WDR7: variants seen among roughly 807,000 people sequenced by gnomAD.
WDR7 encodes the protein WD repeat-containing protein 7.
In WDR7, 46 loss-of-function variants were observed where a neutral mutation model predicts 169.4. That is an observed-to-expected ratio of 0.27 (90% CI 0.21 to 0.35). WDR7 has a LOEUF of 0.35. Among genes scored for constraint, WDR7 ranks in the 10% least tolerant of loss-of-function variants. WDR7 has a pLI of 1.00. For missense variants in WDR7, 1,534 were observed against 1,859.3 expected, an observed-to-expected ratio of 0.83 and a Z score of 3.22; for synonymous variants, 612 against 666.8, an observed-to-expected ratio of 0.92 and a Z score of 1.27.
chr18:57,002,968 C>G (rs2048004659), intron 26 of WDR7, among the ~76,000 whole-genome samples: 2 of 152,154 alleles, frequency 1.3e-5, no homozygotes, highest in African/African-American at 4.8e-5. Flanking sequence ...CTAAACAGTT[C>G]TAATAATCAG....
chr18:56,719,561 C>CAAAA (rs58285674), intron 13 of WDR7, among the ~76,000 whole-genome samples: 1 of 106,238 alleles, frequency 9.4e-6, no homozygotes, highest in South Asian at 2.9e-4. Context: ...GACTCTGTCT[C>CAAAA]AAAAAAAAAA....
chr18:56,695,049 G>A lies in WDR7; in HGVS notation c.1208G>A (p.Ser403Asn). Residue 403 changes from serine to asparagine, a missense_variant, in exon 11 of 28, where the codon AGT becomes AAT. By Grantham distance (46) the Ser-to-Asn change is conservative. Coordinates refer to ENST00000254442, the MANE Select transcript of WDR7 (RefSeq NM_015285.3). ...IIDQLSVIPN[S>N]NEPLKVTASV... ...GATCAGCTGAGTGTGATTCCCAATA[G>A]TAATGAACCTCTTAAAGTAACTGCA... 1.2e-6 allele frequency: 2 copies of A among 1,614,146 alleles called. No homozygotes were observed. The highest frequency in any genetic ancestry group is 1.7e-6 in the Non-Finnish European group (2 of 1,180,022).
chr18:56,704,516 G>T (rs1290428422), intron 12 of WDR7, among the ~76,000 whole-genome samples: 1 of 152,158 alleles, frequency 6.6e-6, no homozygotes, highest in Non-Finnish European at 1.5e-5. Context: ...TCCAGCCTAG[G>T]TGACAGAGTG....
At chr18:56,784,861 T>C (rs2044372391) in intron 19 of WDR7, among the ~76,000 whole-genome samples, 1 of 152,168 alleles carries the variant, frequency 6.6e-6, no homozygotes, top group Admixed American at 6.5e-5. Context: ...GAGTACTTCA[T>C]ATATTAGCTA....
chr18:56,924,505 C>A (rs1039416772), intron 22 of WDR7, among the ~76,000 whole-genome samples: 1 of 152,150 alleles, frequency 6.6e-6, no homozygotes, highest in Non-Finnish European at 1.5e-5. Context: ...CTCATATTAG[C>A]TTTTAAATCA....
At chr18:56,815,701 A>G (rs1270070022) in intron 19 of WDR7, among the ~76,000 whole-genome samples, 3 of 152,242 alleles carry the variant, frequency 2.0e-5, no homozygotes, top group African/African-American at 7.2e-5. Context: ...CTCTTTGTTG[A>G]ATAATTGTCA....
At chr18:56,733,098 G>A (rs753904962) in intron 14 of WDR7, among the ~76,000 whole-genome samples, 4 of 151,920 alleles carry the variant, frequency 2.6e-5, no homozygotes, top group Admixed American at 1.3e-4. Context: ...ATTTTATAGC[G>A]CAATTAGTGA....
chr18:56,840,124 C>A (rs2045458958), intron 20 of WDR7, among the ~76,000 whole-genome samples: 1 of 151,796 alleles, frequency 6.6e-6, no homozygotes, highest in Non-Finnish European at 1.5e-5. Flanking sequence ...TGAAAGGACT[C>A]ATGATGGGGA....
intron 2 of WDR7, among the ~76,000 whole-genome samples, chr18:56,677,491 A>G (rs2025268054): frequency 6.6e-6 from 1 of 152,160 alleles, no homozygotes. Context: ...CTGGGACTAC[A>G]GATGTGTGCC....
intron 26 of WDR7, among the ~76,000 whole-genome samples, chr18:57,017,005 A>T (rs961487969): frequency 6.6e-6 from 1 of 152,218 alleles, no homozygotes; most frequent in African/African-American, 2.4e-5. Context: ...TTTTTTGGAA[A>T]ATGTTCTTCA....
At chr18:56,728,353 C>T (rs978167448) in intron 13 of WDR7, among the ~76,000 whole-genome samples, 2 of 152,236 alleles carry the variant, frequency 1.3e-5, no homozygotes, top group Non-Finnish European at 2.9e-5. Context: ...TTTTATACAA[C>T]AGATTACATT....
intron 19 of WDR7, among the ~76,000 whole-genome samples, chr18:56,795,671 G>T (rs1444658732): frequency 6.6e-6 from 1 of 152,082 alleles, no homozygotes; most frequent in Non-Finnish European, 1.5e-5. Flanking sequence ...GTTCTTGTTT[G>T]TTTGTATTCA....
intron 20 of WDR7, among the ~76,000 whole-genome samples, chr18:56,832,851 C>A (rs1391462946): frequency 6.6e-6 from 1 of 152,006 alleles, no homozygotes; most frequent in Admixed American, 6.6e-5. Flanking sequence ...CAGAAAACAC[C>A]AAAGTAGATA....
intron 1 of WDR7, among the ~76,000 whole-genome samples, chr18:56,670,923 T>C (rs770324234): frequency 6.6e-5 from 10 of 152,238 alleles, no homozygotes; most frequent in Non-Finnish European, 1.0e-4. Context: ...TGCAGCTTTC[T>C]TTGACTATTC....
rs71171007 is a variant in WDR7 at position 56,938,808 on chromosome 18, AGTGTGT to A, written c.3981+155_3981+160del. ...GATGAAGGGTGAGAGAGAAAGAATG[AGTGTGT>A]GTGTGTGTGTGTGTGTGTGTGTGTG... On this transcript the variant is annotated intron_variant, in intron 24 of 27. Transcript: ENST00000254442. The A allele has an allele frequency of 7.5e-3, 4,946 of 661,730 alleles. 162 individuals are homozygous for A. The African/African-American group carries it at 0.079, about 11-fold the overall frequency. 41.0% of individuals were successfully genotyped at this position (661,730 alleles called of 1,614,324 possible).
At chr18:56,834,338 C>T (rs987855575) in intron 20 of WDR7, among the ~76,000 whole-genome samples, 8 of 152,124 alleles carry the variant, frequency 5.3e-5, no homozygotes, top group African/African-American at 9.7e-5. Context: ...TGCCTTTACT[C>T]AAGGCCAAGG....
chr18:56,887,178 G>A (rs1321536104), intron 21 of WDR7, among the ~76,000 whole-genome samples: 1 of 152,142 alleles, frequency 6.6e-6, no homozygotes, highest in Admixed American at 6.5e-5. Flanking sequence ...GAACTGAAGG[G>A]CCTTAGGACT....
At chr18:56,754,407 A>G (rs775188442) in intron 14 of WDR7, among the ~76,000 whole-genome samples, 5 of 126,144 alleles carry the variant, frequency 4.0e-5, no homozygotes, top group African/African-American at 9.5e-5. Flanking sequence ...ATATATACAC[A>G]TATATACACA....
At chr18:56,660,519 C>T (rs949845350) in intron 1 of WDR7, among the ~76,000 whole-genome samples, 3 of 151,878 alleles carry the variant, frequency 2.0e-5, no homozygotes, top group Non-Finnish European at 4.4e-5. Context: ...CACTTCTGAT[C>T]CCAAGTGTTT....
Sources: gnomAD v4.1 joint callset for allele counts (sites outside exome capture counted in the v4.1 genomes callset) on GRCh38, gnomAD v4.1.1 for gene constraint, MANE v1.5 for transcripts, NCBI Gene and HGNC (gene_info 2026-07-23, HGNC 2026-07-21) for gene names.